The following SUMF2 variants were observed in gnomAD, a reference collection of about 807,000 sequenced individuals.
SUMF2 encodes the protein sulfatase modifying factor 2, also known as inactive C-alpha-formylglycine-generating enzyme 2.
Under a neutral mutation model 44.8 loss-of-function variants are expected in SUMF2, and 45 were observed. The observed-to-expected ratio is 1.00, with a 90% CI of 0.79 to 1.29. The LOEUF is 1.29. Among genes scored for constraint, SUMF2 ranks in the 50% most tolerant of loss-of-function variants. SUMF2 has a pLI of 0.00. For missense variants in SUMF2, 418 were observed against 389.9 expected, an observed-to-expected ratio of 1.07 and a Z score of -0.61; for synonymous variants, 148 against 150.4, an observed-to-expected ratio of 0.98 and a Z score of 0.12.
chr7:56,082,341 C>G (rs1796044636), downstream of SUMF2: 9 of 1,052,174 alleles, frequency 8.6e-6, no homozygotes, highest in Non-Finnish European at 9.9e-6. Context: ...TTCTATAATC[C>G]TAGCACTTTG....
At chr7:56,087,820 C>A in the SUMF2 span, 1 of 1,521,536 alleles carries the variant, frequency 6.6e-7, no homozygotes, top group Non-Finnish European at 9.0e-7. Flanking sequence ...CCCCTCACCC[C>A]ATGGGGGGTC....
chr7:56,064,393 C>T lies in SUMF2; in HGVS notation c.67+15C>T, dbSNP rs1210003143. 4.4e-6 allele frequency: 7 copies of T among 1,597,222 alleles called. No homozygotes were observed. The Admixed American group carries it at 8.8e-5, about 20-fold the overall frequency. ...GCTCAAGCTAGGTCAGTGAACCGGC[C>T]GTCCATCCTGGGGGCGCTGGGAAGG... is the stretch of plus-strand genomic sequence containing the variant. On this transcript the variant is annotated intron_variant, in intron 1 of 8. Transcript: ENST00000434526.
At position 56,079,950 on chromosome 7, in the gene SUMF2, C is replaced by G; in HGVS notation, c.*338C>G. The G allele has an allele frequency of 8.2e-7, 1 of 1,218,868 alleles. No homozygotes were observed. The highest frequency in any genetic ancestry group is 1.1e-6 in the Non-Finnish European group (1 of 887,420). The allele number at this position is 1,218,868 out of a possible 1,614,324, so 75.5% of individuals were successfully genotyped here. On this transcript the variant is annotated 3_prime_UTR_variant, in exon 9 of 9. Transcript: ENST00000434526. ...TTTTAAGCATTTTAAAATCTATTCT[C>G]TCCCCCTTTCTCCCTGGATGATTCA... is the stretch of plus-strand genomic sequence containing the variant.
rs1795788927 is a variant in SUMF2, at chr7:56,079,073, C to T, written c.822-455C>T. ...AATTTTTGTAGAGATGAGTTTTTGC[C>T]ATGCTGCCTAGGTTTGTCTCATACT... On this transcript the variant is annotated intron_variant, in intron 8 of 8. Coordinates refer to ENST00000434526, the MANE Select transcript of SUMF2 (RefSeq NM_015411.4). 3 of 533,384 alleles carry T rather than the reference C, an allele frequency of 5.6e-6. No homozygotes were observed. The East Asian group carries it at 8.9e-5, about 16-fold the overall frequency. The allele number at this position is 533,384 out of a possible 1,614,324, so 33.0% of individuals were successfully genotyped here. A position where few individuals can be genotyped will look rare whatever the true frequency, so the allele number is the denominator to read the frequency against.
chr7:56,076,651 A>G (rs1293508973), intron 5 of SUMF2, 183 bp from the exon 6 acceptor site: 3 of 517,118 alleles, frequency 5.8e-6, no homozygotes, highest in Non-Finnish European at 1.0e-5. Context: ...TGAGGAGGCC[A>G]GGGCCCTCTA....
Position 56,073,143 on chromosome 7 carries a change from T to C in SUMF2, c.339+32T>C, listed in dbSNP as rs758027893. On this transcript the variant is annotated intron_variant, in intron 3 of 8. Coordinates refer to ENST00000434526, the MANE Select transcript of SUMF2 (RefSeq NM_015411.4). ...GAACCTGGTCTTGCAGCTGAGGGGA[T>C]AGGAGTGGGACCTGGACAGGGAATC... The C allele has an allele frequency of 1.0e-5, 16 of 1,548,582 alleles. No homozygotes were observed. In the South Asian group the frequency reaches 1.2e-4, roughly 12 times the overall value.
chr7:56,077,935 T>C (rs1795670552), intron 6 of SUMF2, among the ~76,000 whole-genome samples, 167 bp from the exon 7 acceptor site: 1 of 152,022 alleles, frequency 6.6e-6, no homozygotes. Context: ...CCTGGGGATG[T>C]AAGGTGATGG....
intron 1 of SUMF2, among the ~76,000 whole-genome samples, chr7:56,065,723 G>A (rs1219731382): frequency 1.3e-5 from 2 of 152,122 alleles, no homozygotes; most frequent in Admixed American, 1.3e-4. Context: ...AAAGTGCTGG[G>A]ATTACAGGCG....
rs1298477582 is a variant in SUMF2 at position 56,064,382 on chromosome 7, A to C, written c.67+4A>C. The C allele has an allele frequency of 6.2e-7, 1 of 1,601,702 alleles. No individual in the cohort carries two copies. The highest frequency in any genetic ancestry group is 1.1e-5 in the South Asian group (1 of 89,120). On this transcript the variant is annotated splice_donor_region_variant and intron_variant, in intron 1 of 8. Coordinates refer to ENST00000434526, the MANE Select transcript of SUMF2 (RefSeq NM_015411.4). ...GTCGGCGCGTGGCTCAAGCTAGGTC[A>C]GTGAACCGGCCGTCCATCCTGGGGG...
At chr7:56,066,533 G>A (rs1339364544) in intron 1 of SUMF2, among the ~76,000 whole-genome samples, 1 of 151,910 alleles carries the variant, frequency 6.6e-6, no homozygotes, top group Non-Finnish European at 1.5e-5. Context: ...TGCAACCTCC[G>A]CCCCCCCAGG....
chr7:56,076,730 C>G (rs1795576283), intron 5 of SUMF2, 104 bp from the exon 6 acceptor site: 1 of 1,070,204 alleles, frequency 9.3e-7, no homozygotes. Flanking sequence ...TTTTTCTCAT[C>G]ACCCTCTAAC....
At chr7:56,074,548 G>T in intron 4 of SUMF2, 38 bp from the exon 5 acceptor site, 1 of 1,606,490 alleles carries the variant, frequency 6.2e-7, no homozygotes, top group Non-Finnish European at 8.5e-7. Flanking sequence ...GACTTAATGC[G>T]CTCCCGGAAG....
intron 2 of SUMF2, among the ~76,000 whole-genome samples, chr7:56,072,127 A>G (rs1171702693): frequency 6.7e-6 from 1 of 149,890 alleles, no homozygotes; most frequent in African/African-American, 2.5e-5. Context: ...GTCTCAAAAA[A>G]AAAAAAAAAA....
rs1194135673 is a variant in SUMF2 at position 56,067,166 on chromosome 7, A to G, written c.68-1316A>G. Among the ~76,000 whole-genome samples the G allele has an allele frequency of 3.3e-5, 5 of 152,214 alleles. No homozygotes were observed. In the East Asian group the frequency reaches 9.6e-4, roughly 29 times the overall value. On this transcript the variant is annotated intron_variant, in intron 1 of 8. Coordinates refer to ENST00000434526, the MANE Select transcript of SUMF2 (RefSeq NM_015411.4). ...AGGATGGAAAGAAAGTGCTAGATGT[A>G]TTTTAGGATAGAGTGTCTAAATTCA...
At chr7:56,086,864 C>A in the SUMF2 span, 3 of 869,318 alleles carry the variant, frequency 3.5e-6, no homozygotes, top group Non-Finnish European at 6.0e-6. Context: ...ATTTGGCATC[C>A]TCAGCGCAGG....
At chr7:56,075,219 C>A (rs1795460330) in intron 5 of SUMF2, among the ~76,000 whole-genome samples, 1 of 149,458 alleles carries the variant, frequency 6.7e-6, no homozygotes, top group African/African-American at 2.5e-5. Flanking sequence ...CCATCTCAGA[C>A]TGATATAAAA....
chr7:56,081,081 G>A, downstream of SUMF2: 1 of 1,612,874 alleles, frequency 6.2e-7, no homozygotes, highest in Non-Finnish European at 8.5e-7. This position sits in a 1 kb window ranked among gnomAD's most constrained non-coding sequence, Gnocchi z 4.6. Context: ...CCAGGGAGAG[G>A]AGCACGGCCT....
At chr7:56,071,854 G>A (rs953845192) in intron 2 of SUMF2, among the ~76,000 whole-genome samples, 11 of 151,854 alleles carry the variant, frequency 7.2e-5, no homozygotes, top group African/African-American at 2.7e-4. Context: ...GCTCATGCCT[G>A]CAATCCCAGC....
intron 5 of SUMF2, among the ~76,000 whole-genome samples, chr7:56,076,310 G>A (rs1483733494): frequency 1.3e-5 from 2 of 151,996 alleles, no homozygotes; most frequent in African/African-American, 2.4e-5. Flanking sequence ...ACAGGCGTGA[G>A]CCACCATGCC....
Sources: gnomAD v4.1 joint callset for allele counts (sites outside exome capture counted in the v4.1 genomes callset) on GRCh38, gnomAD v4.1.1 for gene constraint, Gnocchi (gnomAD v3.1) non-coding constraint, MANE v1.5 for transcripts, NCBI Gene and HGNC (gene_info 2026-07-23, HGNC 2026-07-21) for gene names.